The following NHSL2 variants were observed in gnomAD, a reference collection of about 807,000 sequenced individuals.
NHSL2 encodes NHS-like protein 2.
A neutral mutation model predicts 53.4 loss-of-function variants in NHSL2; 27 were observed. The observed-to-expected ratio is 0.51, with a 90% CI of 0.37 to 0.70. NHSL2 has a LOEUF of 0.70. NHSL2 is among the 30% of genes least tolerant of loss of function. The pLI, the probability that NHSL2 is intolerant of heterozygous loss-of-function variation, is 0.00. For synonymous variants in NHSL2, 408 were observed against 404.1 expected (o/e 1.01, Z -0.12); for missense variants, 892 against 980.1 (o/e 0.91, Z 1.20).
At chrX:72,130,669 G>A (rs1160061744) in intron 1 of NHSL2, 4 of 1,210,237 alleles carry the variant, frequency 3.3e-6, no homozygotes, top group Non-Finnish European at 4.5e-6. Context: ...CATTTCTGTT[G>A]ACCATAAGAG....
At chrX:71,994,919 C>T (rs1357835347) in intron 1 of NHSL2, among the ~76,000 whole-genome samples, 2 of 111,580 alleles carry the variant, frequency 1.8e-5, no homozygotes, top group Non-Finnish European at 3.8e-5. Flanking sequence ...GCCCCCACCC[C>T]TGTTTGGCAG....
At chrX:72,118,704 G>T (rs774374762) in intron 1 of NHSL2, among the ~76,000 whole-genome samples, 14 of 112,140 alleles carry the variant, frequency 1.2e-4, no homozygotes, top group African/African-American at 4.5e-4. Flanking sequence ...AGGATTACAG[G>T]CATGAGCCAC....
chrX:71,986,435 G>A (rs1314546659), intron 1 of NHSL2, among the ~76,000 whole-genome samples: 1 of 111,892 alleles, frequency 8.9e-6, no homozygotes, highest in Non-Finnish European at 1.9e-5. Flanking sequence ...ACCCAATAAA[G>A]ACAGCATGAG....
At chrX:72,044,675 T>C (rs1267487812) in intron 1 of NHSL2, 15 of 1,156,836 alleles carry the variant, frequency 1.3e-5, no homozygotes, top group Non-Finnish European at 1.2e-6. Flanking sequence ...ATTCGAAACA[T>C]AGTGGAGGCC....
At chrX:71,960,775 T>C (rs944631113) in intron 1 of NHSL2, among the ~76,000 whole-genome samples, 1 of 112,473 alleles carries the variant, frequency 8.9e-6, no homozygotes, top group Non-Finnish European at 1.9e-5. Flanking sequence ...TTTTGATTAC[T>C]GTAGCTTTGT....
intron 1 of NHSL2, among the ~76,000 whole-genome samples, chrX:71,961,959 G>A (rs1424126088): frequency 8.9e-6 from 1 of 112,486 alleles, no homozygotes; most frequent in African/African-American, 3.2e-5. Context: ...ATGAGCCAGT[G>A]TGCCCGGCCA....
chrX:71,911,504 G>A, intron 1 of NHSL2, 137 bp downstream of exon 1: 1 of 550,085 alleles, frequency 1.8e-6, no homozygotes, highest in Admixed American at 5.2e-5. Flanking sequence ...GGAGTGAGGG[G>A]ATCCCATTTC....
At chrX:72,075,329 C>T (rs1264867685) in intron 1 of NHSL2, among the ~76,000 whole-genome samples, 2 of 112,182 alleles carry the variant, frequency 1.8e-5, no homozygotes, top group Admixed American at 1.9e-4. Context: ...CTTATCATGG[C>T]ATGTGTATGG....
intron 1 of NHSL2, among the ~76,000 whole-genome samples, chrX:71,997,420 G>A (rs766163477): frequency 8.9e-6 from 1 of 112,457 alleles, no homozygotes; most frequent in South Asian, 3.6e-4. Flanking sequence ...GCCACCTCCA[G>A]GACCACTGCC....
intron 1 of NHSL2, among the ~76,000 whole-genome samples, chrX:72,077,051 G>A (rs2041749415): frequency 9.0e-6 from 1 of 110,733 alleles, no homozygotes; most frequent in Non-Finnish European, 1.9e-5. Context: ...GTGGGGTGCA[G>A]GTGGGGTGCT....
chrX:72,150,076 T>C lies in NHSL2; in HGVS notation c.*6502T>C, dbSNP rs2042500040. The C allele has an allele frequency of 8.9e-6, 1 of 112,859 alleles. No homozygotes were observed. Among genetic ancestry groups the C allele is most frequent in the African/African-American group, 3.2e-5 (1 of 31,059 alleles). 9.3% of individuals were successfully genotyped at this position (112,859 alleles called of 1,213,427 possible). ...AGGTATTTCAATGAACTAATATATA[T>C]GCTTTAAGGGAAAATGTTCAAGAGT... On this transcript the variant is annotated 3_prime_UTR_variant, in exon 8 of 8. Coordinates refer to ENST00000633930, the MANE Select transcript of NHSL2 (RefSeq NM_001013627.3).
chrX:72,059,656 A>G (rs1342599630), intron 1 of NHSL2, among the ~76,000 whole-genome samples: 2 of 111,759 alleles, frequency 1.8e-5, no homozygotes, highest in Non-Finnish European at 3.8e-5. Context: ...CTCTGAGGGA[A>G]GGAATTCAGT....
chrX:72,063,002 C>A (rs1186114418), intron 1 of NHSL2, among the ~76,000 whole-genome samples: 2 of 111,182 alleles, frequency 1.8e-5, no homozygotes, highest in African/African-American at 6.5e-5. Context: ...ATGGCCAGGG[C>A]CTGCCCAAGG....
Position 72,134,185 on chromosome X carries a change from C to T in NHSL2, c.531C>T (p.Pro177=). 8.6e-7 allele frequency: 1 copy of T among 1,167,848 alleles called. No homozygotes were observed. The highest frequency in any genetic ancestry group is 1.1e-6 in the Non-Finnish European group (1 of 872,674). ...EATKPTPNPR[P]QSARRLEFIL... ...CTAAGCCCACCCCCAACCCAAGGCC[C>T]CAGTCTGCCAGGCGTCTGGAGTTTA... Residue 177 remains proline (P), a synonymous_variant, in exon 3 of 8, where the codon CCC becomes CCT. Transcript: ENST00000633930.
At chrX:72,067,940 G>A (rs1025636892) in intron 1 of NHSL2, among the ~76,000 whole-genome samples, 4 of 112,055 alleles carry the variant, frequency 3.6e-5, no homozygotes, top group Non-Finnish European at 7.5e-5. Context: ...TCCTAGCAGG[G>A]GTAATATTCC....
chrX:72,103,733 A>T (rs1478163338), intron 1 of NHSL2, among the ~76,000 whole-genome samples: 2 of 112,471 alleles, frequency 1.8e-5, no homozygotes, highest in Non-Finnish European at 3.8e-5. Context: ...TCACTCAGAC[A>T]GGGCCTGGGA....
rs1054286277 is a variant in NHSL2 at position 71,961,736 on chromosome X, T to G, written c.280+50369T>G. On this transcript the variant is annotated intron_variant, in intron 1 of 7. Transcript: ENST00000633930. ...GCTGGAGTGCGGTGCCACGATGATC[T>G]CAGCTCACTACAACCTCCGCCTCCT... 7.2e-5 allele frequency among the ~76,000 whole-genome samples: 8 copies of G among 111,729 alleles called. No homozygotes were observed. In the East Asian group the frequency reaches 1.7e-3, roughly 23 times the overall value.
chrX:72,048,601 C>T (rs1177873925), intron 1 of NHSL2, among the ~76,000 whole-genome samples: 2 of 109,696 alleles, frequency 1.8e-5, no homozygotes, highest in Non-Finnish European at 3.8e-5. Flanking sequence ...CTCAAAAACT[C>T]TCTCTGGGAT....
intron 1 of NHSL2, among the ~76,000 whole-genome samples, chrX:71,967,996 CT>C (rs371562625): frequency 0.011 from 1,096 of 97,215 alleles, 7 homozygotes; most frequent in African/African-American, 0.019. Flanking sequence ...GGAAGTCAAT[CT>C]TTTTTTTTTT....
Sources: allele counts gnomAD v4.1 joint callset (sites outside exome capture counted in the v4.1 genomes callset), GRCh38; gene constraint gnomAD v4.1.1; transcripts MANE v1.5; gene names NCBI Gene and HGNC (gene_info 2026-07-23, HGNC 2026-07-21).